The following APC variants were observed in gnomAD, a reference collection of about 807,000 sequenced individuals.
APC encodes APC regulator of Wnt signaling pathway.
A neutral mutation model predicts 247.0 loss-of-function variants in APC; 72 were observed. The ratio of observed to expected loss-of-function variants is 0.29; its 90% CI spans 0.24 to 0.35. The LOEUF (loss-of-function observed/expected upper bound fraction) is 0.35, where lower values mean the gene tolerates loss of function less well. Ranked by LOEUF, APC falls within the 10% of genes least tolerant of loss-of-function variation. The pLI, the probability that APC is intolerant of heterozygous loss-of-function variation, is 1.00. For missense variants in APC, 3,400 were observed against 3,360.7 expected, an observed-to-expected ratio of 1.01 and a Z score of -0.29; for synonymous variants, 1,254 against 1,162.5, an observed-to-expected ratio of 1.08 and a Z score of -1.60.
At chr5:112,724,551 C>A (rs1171656839) in intron 1 of APC, among the ~76,000 whole-genome samples, 6 of 144,688 alleles carry the variant, frequency 4.1e-5, no homozygotes, top group African/African-American at 1.3e-4. Context: ...ATACGTAATC[C>A]CAAGTGTGTG....
intron 12 of APC, 95 bp downstream of exon 12, chr5:112,827,342 TCTC>T (rs1293683128): frequency 3.7e-6 from 5 of 1,359,734 alleles, no homozygotes; most frequent in Non-Finnish European, 4.2e-6. Context: ...TTTTTTTCAC[TCTC>T]CTCATTAAAC....
At chr5:112,836,781 A>C (rs529890606) in intron 15 of APC, among the ~76,000 whole-genome samples, 38 of 149,972 alleles carry the variant, frequency 2.5e-4, no homozygotes, top group African/African-American at 9.4e-4. Context: ...ATCTCGGCTC[A>C]CTGCAACCTC....
rs189939368 is a variant in APC, at chr5:112,764,830, A to G, written c.136-1496A>G. 4.6e-4 allele frequency among the ~76,000 whole-genome samples: 70 copies of G among 152,346 alleles called. 1 individual carries two copies. In the East Asian group the frequency reaches 7.3e-3, roughly 16 times the overall value. ...CTGGAAAAATCACAGGTAGTCTCCAATGAGAGTTCTTAAATGGAAGAGATG... is the reference window on the plus strand; with the variant it reads ...CTGGAAAAATCACAGGTAGTCTCCAGTGAGAGTTCTTAAATGGAAGAGATG... On this transcript the variant is annotated intron_variant, in intron 2 of 15. Transcript: ENST00000257430.
chr5:112,792,379 A>G, intron 6 of APC, 67 bp from the exon 7 acceptor site: 1 of 1,053,832 alleles, frequency 9.5e-7, no homozygotes, highest in East Asian at 2.7e-5. Flanking sequence ...TGGTAGCCAT[A>G]GTATGATTAT....
chr5:112,736,604 AAT>A (rs1454999312), upstream of APC, among the ~76,000 whole-genome samples: 2 of 152,158 alleles, frequency 1.3e-5, no homozygotes, highest in Non-Finnish European at 2.9e-5. Context: ...AAACGATTAT[AAT>A]ATGCTTCATT....
At chr5:112,753,025 T>C (rs1427834488) in intron 1 of APC, among the ~76,000 whole-genome samples, 2 of 152,154 alleles carry the variant, frequency 1.3e-5, no homozygotes, top group Non-Finnish European at 2.9e-5. Context: ...AACTTGTGCA[T>C]GCCCATTTTT....
intron 5 of APC, among the ~76,000 whole-genome samples, chr5:112,779,751 A>G (rs1310422108): frequency 1.3e-5 from 2 of 152,182 alleles, no homozygotes; most frequent in Non-Finnish European, 2.9e-5. Flanking sequence ...AAGAAATAAC[A>G]TGCAGACTAT....
chr5:112,714,940 G>A (rs1421216635), intron 1 of APC, among the ~76,000 whole-genome samples: 1 of 152,168 alleles, frequency 6.6e-6, no homozygotes, highest in Non-Finnish European at 1.5e-5. Flanking sequence ...CTACAGAAAG[G>A]AAGAAGCAAG....
At chr5:112,810,578 C>G (rs1761887908) in intron 8 of APC, among the ~76,000 whole-genome samples, 2 of 152,142 alleles carry the variant, frequency 1.3e-5, no homozygotes, top group East Asian at 3.8e-4. Flanking sequence ...GTAAGTTTCT[C>G]ACATGCTCAA....
At chr5:112,826,038 C>T (rs1050882867) in intron 11 of APC, among the ~76,000 whole-genome samples, 1 of 152,216 alleles carries the variant, frequency 6.6e-6, no homozygotes, top group African/African-American at 2.4e-5. Flanking sequence ...TAAAGTTTTG[C>T]ATAAATCTTC....
intron 6 of APC, among the ~76,000 whole-genome samples, chr5:112,783,937 T>C (rs1357671404): frequency 2.6e-5 from 4 of 152,014 alleles, no homozygotes; most frequent in African/African-American, 9.7e-5. Context: ...ATCAGGGAAA[T>C]GTAATATAAA....
At chr5:112,801,158 G>A in intron 7 of APC, 121 bp from the exon 8 acceptor site, 1 of 697,276 alleles carries the variant, frequency 1.4e-6, no homozygotes, top group Non-Finnish European at 2.5e-6. Flanking sequence ...ACAGTTCCAT[G>A]CCTTTATCAG....
At chr5:112,740,267 A>T (rs1379663060) in intron 1 of APC, among the ~76,000 whole-genome samples, 1 of 152,190 alleles carries the variant, frequency 6.6e-6, no homozygotes, top group South Asian at 2.1e-4. Flanking sequence ...AATCATATGA[A>T]CACATTTAAG....
At chr5:112,726,738 T>G (rs1286342296) in intron 1 of APC, among the ~76,000 whole-genome samples, 2 of 152,130 alleles carry the variant, frequency 1.3e-5, no homozygotes, top group Non-Finnish European at 2.9e-5. Flanking sequence ...GGAATGAAAT[T>G]TATTCCAATT....
chr5:112,711,979 C>G (rs537501945), intron 1 of APC, among the ~76,000 whole-genome samples: 1 of 152,308 alleles, frequency 6.6e-6, no homozygotes, highest in African/African-American at 2.4e-5. Flanking sequence ...AGCCTTTTCC[C>G]AAGAATCCTA....
intron 1 of APC, among the ~76,000 whole-genome samples, chr5:112,749,016 T>A (rs753304793): frequency 7.9e-5 from 12 of 152,178 alleles, no homozygotes; most frequent in Non-Finnish European, 1.8e-4. Context: ...CTCTGACAGT[T>A]TCCCTCCTAT....
intron 11 of APC, among the ~76,000 whole-genome samples, chr5:112,826,629 C>A (rs1763691455): frequency 7.0e-6 from 1 of 142,738 alleles, no homozygotes; most frequent in Admixed American, 7.0e-5. Flanking sequence ...TCTTCATGCA[C>A]AGTTTCATTT....
intron 8 of APC, among the ~76,000 whole-genome samples, chr5:112,812,631 A>T (rs1762098808): frequency 6.6e-6 from 1 of 152,158 alleles, no homozygotes; most frequent in African/African-American, 2.4e-5. Flanking sequence ...TTCAGATGCC[A>T]CTTTTTCAGG....
chr5:112,825,625 G>A (rs1185091771), intron 11 of APC, among the ~76,000 whole-genome samples: 1 of 152,210 alleles, frequency 6.6e-6, no homozygotes, highest in Non-Finnish European at 1.5e-5. Context: ...GCCGAGGCAG[G>A]AGAATCACTT....
Sources: gnomAD v4.1 joint callset for allele counts (sites outside exome capture counted in the v4.1 genomes callset) on GRCh38, gnomAD v4.1.1 for gene constraint, MANE v1.5 for transcripts, NCBI Gene and HGNC (gene_info 2026-07-23, HGNC 2026-07-21) for gene names.